USP53: variants seen among roughly 807,000 people sequenced by gnomAD.
USP53 encodes the protein ubiquitin specific peptidase 53.
A neutral mutation model predicts 94.9 loss-of-function variants in USP53; 71 were observed. That is an observed-to-expected ratio of 0.75 (90% CI 0.62 to 0.91). USP53 has a LOEUF of 0.91. Ranked by LOEUF, USP53 falls within the 40% of genes least tolerant of loss-of-function variation. The probability of loss-of-function intolerance (pLI) is 0.00; values close to 1 mark genes in which losing one functional copy is unlikely to be tolerated. For missense variants in USP53, 1,173 were observed against 1,281.0 expected, an observed-to-expected ratio of 0.92 and a Z score of 1.29; for synonymous variants, 375 against 422.7, an observed-to-expected ratio of 0.89 and a Z score of 1.39.
intron 1 of USP53, among the ~76,000 whole-genome samples, chr4:119,213,660 A>ATATATATATATATATATGTG: frequency 8.5e-6 from 1 of 117,792 alleles, no homozygotes; most frequent in African/African-American, 3.6e-5. Context: ...ATATATATAT[A>ATATATATATATATATATGTG]TGTGTGTGTG....
intron 3 of USP53, chr4:119,220,534 G>A (rs1284379587): frequency 1.3e-5 from 2 of 152,114 alleles, no homozygotes; most frequent in Admixed American, 1.3e-4. Context: ...GGGTAATGCA[G>A]TTGCTTTTAA....
chr4:119,291,144 C>CGG, intron 17 of USP53, 21 bp from the exon 18 acceptor site: 1 of 681,978 alleles, frequency 1.5e-6, no homozygotes, highest in Non-Finnish European at 2.4e-6. Flanking sequence ...CATCTCTTCT[C>CGG]CCCACCCCAC....
intron 3 of USP53, among the ~76,000 whole-genome samples, chr4:119,228,021 A>T (rs1222398540): frequency 1.3e-5 from 2 of 152,222 alleles, no homozygotes; most frequent in Non-Finnish European, 2.9e-5. Flanking sequence ...TGCAGGTTGA[A>T]TGTATTAATT....
intron 2 of USP53, among the ~76,000 whole-genome samples, chr4:119,216,187 C>T (rs1170559145): frequency 1.3e-5 from 2 of 152,060 alleles, no homozygotes; most frequent in Non-Finnish European, 2.9e-5. Context: ...TGAGACCACC[C>T]TGGCCAACAT....
intron 10 of USP53, 37 bp from the exon 11 acceptor site, chr4:119,260,470 G>C: frequency 6.3e-7 from 1 of 1,590,722 alleles, no homozygotes; most frequent in Non-Finnish European, 8.6e-7. Flanking sequence ...TGGTTTATCT[G>C]TTTTCATAAT....
intron 7 of USP53, among the ~76,000 whole-genome samples, chr4:119,254,876 T>G (rs1749542289): frequency 6.6e-6 from 1 of 152,230 alleles, no homozygotes; most frequent in South Asian, 2.1e-4. Context: ...CCTTTGGTAT[T>G]TGATGTTGGT....
intron 1 of USP53, among the ~76,000 whole-genome samples, chr4:119,213,641 G>GATATATTAGATATAT (rs1553961986): frequency 2.7e-4 from 29 of 108,080 alleles, no homozygotes; most frequent in African/African-American, 1.0e-3. Context: ...TCTGGAAATA[G>GATATATTAGATATAT]ATATATATAT....
chr4:119,267,939 G>A (rs866354816), intron 13 of USP53, among the ~76,000 whole-genome samples: 7 of 151,686 alleles, frequency 4.6e-5, no homozygotes, highest in African/African-American at 1.2e-4. Flanking sequence ...AGGCCGAGGC[G>A]GGTGGATCAT....
chr4:119,291,176 G>T lies in USP53; in HGVS notation c.2263G>T (p.Glu755Ter). ...CCACCCAACCCTAGGCTTTAGAAAAGAACTCAGGAATTTGGAAGCAGGCTA... is the reference window on the plus strand; with the variant it reads ...CCACCCAACCCTAGGCTTTAGAAAATAACTCAGGAATTTGGAAGCAGGCTA... ...SQHHLEGFRK[E>*]LRNLEAGYKS... The change falls in exon 18 of 19, where the codon GAA becomes TAA. Residue 755 changes from glutamate to a stop codon, truncating the protein, a stop_gained. Transcript: ENST00000692078. LOFTEE classifies it high-confidence loss of function. The T allele has an allele frequency of 2.1e-6, 1 of 468,466 alleles. No individual in the cohort carries two copies. Among genetic ancestry groups the T allele is most frequent in the Non-Finnish European group, 3.3e-6 (1 of 302,978 alleles). 29.0% of individuals were successfully genotyped at this position (468,466 alleles called of 1,614,324 possible).
intron 17 of USP53, among the ~76,000 whole-genome samples, chr4:119,277,755 C>A (rs928733222): frequency 7.6e-6 from 1 of 132,234 alleles, no homozygotes; most frequent in Non-Finnish European, 1.6e-5. Context: ...GTAGGTCACT[C>A]AGGACTTGCT....
intron 14 of USP53, among the ~76,000 whole-genome samples, chr4:119,269,321 C>A (rs1436550790): frequency 1.3e-5 from 2 of 152,194 alleles, no homozygotes; most frequent in Admixed American, 1.3e-4. Flanking sequence ...TTTCTAATTT[C>A]TCTCTGCCTC....
At chr4:119,292,229 T>C in intron 18 of USP53, 109 bp from the exon 19 acceptor site, 1 of 1,222,514 alleles carries the variant, frequency 8.2e-7, no homozygotes, top group Non-Finnish European at 1.1e-6. Flanking sequence ...GTAAAAATAA[T>C]ATAAACTGTA....
intron 3 of USP53, among the ~76,000 whole-genome samples, chr4:119,227,919 C>G (rs1049784128): frequency 6.6e-6 from 1 of 152,130 alleles, no homozygotes; most frequent in African/African-American, 2.4e-5. Context: ...CTGATTTGTG[C>G]AGCAATACAG....
At chr4:119,266,071 A>G (rs536415794) in intron 12 of USP53, among the ~76,000 whole-genome samples, 13 of 152,312 alleles carry the variant, frequency 8.5e-5, no homozygotes, top group African/African-American at 3.1e-4. Flanking sequence ...CACTGGTCTC[A>G]TTATAGATTA....
intron 7 of USP53, among the ~76,000 whole-genome samples, chr4:119,252,644 T>G (rs1243751436): frequency 1.3e-5 from 2 of 152,184 alleles, no homozygotes; most frequent in South Asian, 2.1e-4. Flanking sequence ...TTAGTTTTGC[T>G]AGTGGTCTGT....
intron 3 of USP53, among the ~76,000 whole-genome samples, chr4:119,227,742 A>G (rs774355737): frequency 9.9e-5 from 15 of 152,242 alleles, no homozygotes; most frequent in Non-Finnish European, 1.5e-4. Context: ...TCCCACTGCT[A>G]GGTATTTACA....
At chr4:119,227,354 C>T (rs1327730379) in intron 3 of USP53, among the ~76,000 whole-genome samples, 1 of 149,944 alleles carries the variant, frequency 6.7e-6, no homozygotes, top group South Asian at 2.1e-4. Context: ...AAAACCTCTA[C>T]AGGGCCGGGC....
Position 119,260,657 on chromosome 4 carries a change from T to A in USP53, c.822+4T>A. On this transcript the variant is annotated splice_donor_region_variant and intron_variant, in intron 11 of 18. Coordinates refer to ENST00000692078, the MANE Select transcript of USP53 (RefSeq NM_001371395.1). ...AACACATCTTTATCTTCCTGGGGTA[T>A]CTTATCTATTTTCATTCCCTTCCCT... 1 of 1,611,706 alleles carries A rather than the reference T, an allele frequency of 6.2e-7. No homozygotes were observed. The highest frequency in any genetic ancestry group is 1.1e-5 in the South Asian group (1 of 90,658).
chr4:119,251,011 C>T (rs1292326419), intron 7 of USP53, among the ~76,000 whole-genome samples: 1 of 151,988 alleles, frequency 6.6e-6, no homozygotes, highest in East Asian at 1.9e-4. Context: ...ACCCATCAAC[C>T]TGTCACCTAC....
Sources: gnomAD v4.1 joint callset for allele counts (sites outside exome capture counted in the v4.1 genomes callset) on GRCh38, gnomAD v4.1.1 for gene constraint, MANE v1.5 for transcripts, NCBI Gene and HGNC (gene_info 2026-07-23, HGNC 2026-07-21) for gene names.